Variants in MAP3K20 observed in about 807,000 individuals in gnomAD.
MAP3K20 encodes the protein mitogen-activated protein kinase kinase kinase 20.
A neutral mutation model predicts 85.7 loss-of-function variants in MAP3K20; 40 were observed. That is an observed-to-expected ratio of 0.47 (90% CI 0.36 to 0.61). The LOEUF (loss-of-function observed/expected upper bound fraction) is 0.61, where lower values mean the gene tolerates loss of function less well. Among genes scored for constraint, MAP3K20 ranks in the 20% least tolerant of loss-of-function variants. The pLI, the probability that MAP3K20 is intolerant of heterozygous loss-of-function variation, is 0.00. For synonymous variants in MAP3K20, 325 were observed against 327.7 expected (o/e 0.99, Z 0.09); for missense variants, 817 against 961.7 (o/e 0.85, Z 1.99).
chr2:173,154,655 A>C (rs1375210920), intron 2 of MAP3K20, among the ~76,000 whole-genome samples: 2 of 152,088 alleles, frequency 1.3e-5, no homozygotes, highest in Admixed American at 6.5e-5. Flanking sequence ...GCAGGAGTTT[A>C]TTTCTTTTTA....
At chr2:173,116,406 GC>G (rs997924898) in intron 2 of MAP3K20, among the ~76,000 whole-genome samples, 11 of 152,068 alleles carry the variant, frequency 7.2e-5, no homozygotes, top group African/African-American at 2.4e-4. Flanking sequence ...ATGTCCTTTG[GC>G]CAGCATCTCC....
chr2:173,236,265 CTA>C (rs1684645142), intron 14 of MAP3K20, among the ~76,000 whole-genome samples: 1 of 38,086 alleles, frequency 2.6e-5, no homozygotes, highest in Non-Finnish European at 5.0e-5. Flanking sequence ...GAGACCCTGT[CTA>C]AAAAAAAAAA....
chr2:173,254,020 G>C (rs1012114517), intron 16 of MAP3K20, among the ~76,000 whole-genome samples: 1 of 149,992 alleles, frequency 6.7e-6, no homozygotes, highest in African/African-American at 2.5e-5. Context: ...GCAGTGAGCT[G>C]AGATTGCACC....
intron 2 of MAP3K20, among the ~76,000 whole-genome samples, chr2:173,150,028 T>C (rs1420664264): frequency 6.6e-6 from 1 of 152,178 alleles, no homozygotes; most frequent in Non-Finnish European, 1.5e-5. Context: ...AGTAGTGTAG[T>C]GGTGTCTTCT....
rs1684104885 is a variant in MAP3K20 at position 173,217,306 on chromosome 2, GAGCATGGC to G, written c.987+66_987+73del. On this transcript the variant is annotated intron_variant, in intron 11 of 19. Coordinates refer to ENST00000375213, the MANE Select transcript of MAP3K20 (RefSeq NM_016653.3). ...ACATGCGGCTCTAGGCTGCGCAGCTGAGCATGGCAGCATGGCACCTCTTCCCCTGCCTC... is the reference window on the plus strand; with the variant it reads ...ACATGCGGCTCTAGGCTGCGCAGCTGAGCATGGCACCTCTTCCCCTGCCTC... 5 of 1,394,066 alleles carry G rather than the reference GAGCATGGC, an allele frequency of 3.6e-6. No homozygotes were observed. In the African/African-American group the frequency reaches 4.4e-5, roughly 12 times the overall value. 86.4% of individuals were successfully genotyped at this position (1,394,066 alleles called of 1,614,324 possible).
chr2:173,264,666 A>G (rs1300766776), intron 19 of MAP3K20, among the ~76,000 whole-genome samples: 1 of 152,082 alleles, frequency 6.6e-6, no homozygotes, highest in Non-Finnish European at 1.5e-5. Flanking sequence ...ACGTGGCTAC[A>G]TGGAGGGGGA....
At position 173,177,443 on chromosome 2, in the gene MAP3K20, A is replaced by ATTT. The variant is rs71403359; in HGVS notation, c.248-5394_248-5392dup. ...TGGGTCAAAGAAGAAATCACAATAG[A>ATTT]TTTTTTTTTTTTTTTTTTTGAGATG... On this transcript the variant is annotated intron_variant, in intron 3 of 19. Coordinates refer to ENST00000375213, the MANE Select transcript of MAP3K20 (RefSeq NM_016653.3). Among the ~76,000 whole-genome samples the ATTT allele has an allele frequency of 4.8e-3, 606 of 126,596 alleles. 36 individuals are homozygous for ATTT. The highest frequency in any genetic ancestry group is 6.6e-3 in the African/African-American group (228 of 34,552). The allele number at this position is 126,596 out of a possible 152,430, so 83.1% of individuals were successfully genotyped here.
intron 2 of MAP3K20, among the ~76,000 whole-genome samples, chr2:173,102,924 G>C (rs1687674740): frequency 6.6e-6 from 1 of 151,844 alleles, no homozygotes; most frequent in Non-Finnish European, 1.5e-5. Flanking sequence ...AAATTAGCTG[G>C]TGCCTGTAAT....
intron 2 of MAP3K20, among the ~76,000 whole-genome samples, chr2:173,114,918 G>C (rs1688074571): frequency 6.6e-6 from 1 of 152,230 alleles, no homozygotes; most frequent in Non-Finnish European, 1.5e-5. Context: ...TTTCCCAGAT[G>C]TTCTTTGTGC....
At chr2:173,183,760 C>T (rs970780774) in intron 4 of MAP3K20, among the ~76,000 whole-genome samples, 4 of 152,144 alleles carry the variant, frequency 2.6e-5, no homozygotes, top group African/African-American at 9.7e-5. Flanking sequence ...CAATTAACTC[C>T]TCTACATTTT....
In MAP3K20 at chr2:173,095,942, C is replaced by G. The variant is rs1054273921; in HGVS notation, c.159+4752C>G. Among the ~76,000 whole-genome samples, 7 of 152,064 alleles carry G rather than the reference C, an allele frequency of 4.6e-5. No individual in the cohort carries two copies. In the East Asian group the frequency reaches 1.4e-3, roughly 29 times the overall value. ...TATGATGATTTTACATTTCTTTTCC[C>G]CGCAACATTTTATTGTGAAAAATTT... On this transcript the variant is annotated intron_variant, in intron 2 of 19. Coordinates refer to ENST00000375213, the MANE Select transcript of MAP3K20 (RefSeq NM_016653.3).
chr2:173,143,473 A>G (rs1335487509), intron 2 of MAP3K20, among the ~76,000 whole-genome samples: 1 of 152,234 alleles, frequency 6.6e-6, no homozygotes, highest in Non-Finnish European at 1.5e-5. Context: ...CTTCAGGTGC[A>G]CATGGAGTGT....
At chr2:173,144,462 CAAAAAAA>C (rs71018537) in intron 2 of MAP3K20, among the ~76,000 whole-genome samples, 2 of 92,898 alleles carry the variant, frequency 2.2e-5, no homozygotes, top group African/African-American at 7.9e-5. Flanking sequence ...GACTCCGTCT[CAAAAAAA>C]AAAAAAAAAA....
chr2:173,248,313 G>T lies in MAP3K20; in HGVS notation c.1359+8817G>T, dbSNP rs115378274. 3.0e-3 allele frequency among the ~76,000 whole-genome samples: 453 copies of T among 152,202 alleles called. 3 individuals are homozygous for T. Among genetic ancestry groups the T allele is most frequent in the African/African-American group, 0.01 (428 of 41,524 alleles). On this transcript the variant is annotated intron_variant, in intron 16 of 19. Transcript: ENST00000375213. ...AGTTGGGAGGGTAGGGTTGAGCCCC[G>T]TCCCTACCCTGTCTTATATATGTAT...
chr2:173,158,444 A>G (rs1316959064), intron 2 of MAP3K20, among the ~76,000 whole-genome samples: 2 of 152,148 alleles, frequency 1.3e-5, no homozygotes, highest in African/African-American at 2.4e-5. Flanking sequence ...CAAATCAAAG[A>G]CCCAATTTTC....
intron 7 of MAP3K20, 105 bp from the exon 8 acceptor site, chr2:173,197,921 T>C: frequency 1.1e-6 from 1 of 910,842 alleles, no homozygotes; most frequent in African/African-American, 1.7e-5. Flanking sequence ...TGGGGTTGGT[T>C]GTGTCTGGTA....
chr2:173,187,035 C>G (rs1315934943), intron 4 of MAP3K20, among the ~76,000 whole-genome samples: 2 of 152,194 alleles, frequency 1.3e-5, no homozygotes, highest in African/African-American at 4.8e-5. Context: ...CTCCCCACCA[C>G]TACCCCACAT....
At chr2:173,156,097 C>T (rs1029777741) in intron 2 of MAP3K20, among the ~76,000 whole-genome samples, 2 of 152,176 alleles carry the variant, frequency 1.3e-5, no homozygotes, top group Non-Finnish European at 2.9e-5. Context: ...CGGTTTGGAA[C>T]TTCAGGGGTT....
intron 15 of MAP3K20, 69 bp downstream of exon 15, chr2:173,238,504 CTA>C: frequency 7.1e-7 from 1 of 1,409,556 alleles, no homozygotes; most frequent in Non-Finnish European, 9.9e-7. Context: ...GCATCCACAC[CTA>C]AATTTGCCAA....
Sources: allele counts gnomAD v4.1 joint callset (sites outside exome capture counted in the v4.1 genomes callset), GRCh38; gene constraint gnomAD v4.1.1; transcripts MANE v1.5; gene names NCBI Gene and HGNC (gene_info 2026-07-23, HGNC 2026-07-21).